The following MOV10 variants were observed in gnomAD, a reference collection of about 807,000 sequenced individuals.
MOV10 encodes the protein RNA helicase MOV-10.
MOV10 carries 39 observed loss-of-function variants against 108.4 expected under a neutral mutation model. That is an observed-to-expected ratio of 0.36 (90% CI 0.28 to 0.47). The LOEUF is 0.47. MOV10 is among the 20% of genes least tolerant of loss of function. The pLI is 1.00. For synonymous variants in MOV10, 490 were observed against 523.1 expected, an observed-to-expected ratio of 0.94 and a Z score of 0.86; for missense variants, 952 against 1,297.6, an observed-to-expected ratio of 0.73 and a Z score of 4.09.
At chr1:112,693,659 C>G (rs1243289317) in intron 7 of MOV10, 2 of 158,702 alleles carry the variant, frequency 1.3e-5, no homozygotes, top group Non-Finnish European at 1.4e-5. Context: ...GCCACCATGC[C>G]TGGTCCGTTT....
chr1:112,679,901 G>A (rs2101258834), intron 2 of MOV10, among the ~76,000 whole-genome samples: 1 of 152,220 alleles, frequency 6.6e-6, no homozygotes, highest in African/African-American at 2.4e-5. Flanking sequence ...CAATTTGGCA[G>A]AACTTATCAA....
At chr1:112,674,773 G>C in intron 1 of MOV10, 44 bp downstream of exon 1, 1 of 781,454 alleles carries the variant, frequency 1.3e-6, no homozygotes. Context: ...GGAGAAGGGA[G>C]CCCGCAGGAT....
intron 6 of MOV10, among the ~76,000 whole-genome samples, chr1:112,692,455 G>A (rs1032448069): frequency 1.3e-5 from 2 of 152,200 alleles, no homozygotes; most frequent in African/African-American, 4.8e-5. Flanking sequence ...GAACAGAGAA[G>A]GACATTTGAA....
intron 2 of MOV10, among the ~76,000 whole-genome samples, chr1:112,680,668 A>AG (rs1351699730): frequency 6.7e-6 from 1 of 149,830 alleles, no homozygotes; most frequent in East Asian, 2.0e-4. Flanking sequence ...AAAAAAAAAA[A>AG]AAAAAAAAAA....
intron 3 of MOV10, 126 bp downstream of exon 3, chr1:112,689,264 G>T (rs1268806977): frequency 3.2e-6 from 4 of 1,233,540 alleles, no homozygotes; most frequent in Non-Finnish European, 3.5e-6. Context: ...GGGAATGGGG[G>T]AAGGGCAGGG....
At position 112,700,532 on chromosome 1, in the gene MOV10, A is replaced by G; in HGVS notation, c.*25A>G. The stretch of plus-strand genomic sequence containing the variant: ...AAGACACAGCACCCAGCCTTCTCGC[A>G]CCAGCCAAGCCTTAACTGCCTGCCT... On this transcript the variant is annotated 3_prime_UTR_variant, in exon 21 of 21. Transcript: ENST00000369645. The G allele has an allele frequency of 3.1e-6, 5 of 1,603,880 alleles. No homozygotes were observed. The highest frequency in any genetic ancestry group is 4.3e-6 in the Non-Finnish European group (5 of 1,175,820).
chr1:112,694,940 C>T lies in MOV10; in HGVS notation c.1620+44C>T. On this transcript the variant is annotated intron_variant, in intron 10 of 20. Transcript: ENST00000369645. The surrounding 1 kb of genome is among the most constrained non-coding windows in gnomAD (Gnocchi z 4.1). ...CCTGGGGCCTGCACTCTGATTCCCC[C>T]AGCACCAAGCAGTTGTCCCCAGATT... 6.4e-7 allele frequency: 1 copy of T among 1,570,492 alleles called. No homozygotes were observed. Among genetic ancestry groups the T allele is most frequent in the Non-Finnish European group, 8.7e-7 (1 of 1,153,974 alleles).
At chr1:112,699,663 GC>G in intron 17 of MOV10, 21 bp from the exon 18 acceptor site, 1 of 1,614,090 alleles carries the variant, frequency 6.2e-7, no homozygotes, top group Non-Finnish European at 8.5e-7. Flanking sequence ...CTGGTCTCAG[GC>G]CCTGCCTCTT....
At chr1:112,687,623 C>T (rs1673179667) in intron 2 of MOV10, among the ~76,000 whole-genome samples, 2 of 152,104 alleles carry the variant, frequency 1.3e-5, no homozygotes, top group Non-Finnish European at 2.9e-5. Context: ...TGGTCCCTGC[C>T]CACCTCTGCT....
Position 112,697,982 on chromosome 1 carries a change from C to T in MOV10, c.2199-12C>T. The stretch of plus-strand genomic sequence containing the variant: ...GACCCTTGGTCTTGCTTTTCCTCCT[C>T]CGGCCTCCCAGGTCTCATCCCACCA... On this transcript the variant is annotated splice_polypyrimidine_tract_variant and intron_variant, in intron 14 of 20. Coordinates refer to ENST00000369645, the MANE Select transcript of MOV10 (RefSeq NM_001321324.2). 1 of 1,610,634 alleles carries T rather than the reference C, an allele frequency of 6.2e-7. No individual in the cohort carries two copies. Among genetic ancestry groups the T allele is most frequent in the Non-Finnish European group, 8.5e-7 (1 of 1,176,852 alleles).
intron 11 of MOV10, among the ~76,000 whole-genome samples, chr1:112,695,883 T>C (rs1270413671): frequency 6.6e-6 from 1 of 151,846 alleles, no homozygotes; most frequent in African/African-American, 2.4e-5. Flanking sequence ...CTACTAAAAA[T>C]ACAAAAAAAT....
Position 112,695,577 on chromosome 1 carries a change from A to G in MOV10, c.1779+3A>G. On this transcript the variant is annotated splice_donor_region_variant and intron_variant, in intron 11 of 20. Coordinates refer to ENST00000369645, the MANE Select transcript of MOV10 (RefSeq NM_001321324.2). The stretch of plus-strand genomic sequence containing the variant: ...GCATGGTACCTGAGGACATCAAGGT[A>G]CTAGGGAAGTGCAGAGGGCCAAAGA... 6.2e-7 allele frequency: 1 copy of G among 1,613,350 alleles called. No individual in the cohort carries two copies. The highest frequency in any genetic ancestry group is 8.5e-7 in the Non-Finnish European group (1 of 1,179,730).
At chr1:112,679,034 C>T (rs1205615884) in intron 2 of MOV10, among the ~76,000 whole-genome samples, 1 of 151,954 alleles carries the variant, frequency 6.6e-6, no homozygotes, top group Non-Finnish European at 1.5e-5. Context: ...TGGCTTTGAC[C>T]CGCTAATGGG....
Position 112,691,776 on chromosome 1 carries a change from C to G in MOV10, c.948C>G (p.Ala316=), listed in dbSNP as rs749578239. The G allele has an allele frequency of 1.2e-6, 2 of 1,613,978 alleles. No individual in the cohort carries two copies. The highest frequency in any genetic ancestry group is 2.7e-5 in the African/African-American group (2 of 74,904). Reference sequence around the variant, plus strand: ...TTCAGGGAACAAGTATCTTCACTGCCCCTAAGGAGATCGCAGAGATCAAGT... The same window carrying G: ...TTCAGGGAACAAGTATCTTCACTGCGCCTAAGGAGATCGCAGAGATCAAGT... ...MLLQGTSIFT[A]PKEIAEIKAQ... The change falls in exon 6 of 21, where the codon GCC becomes GCG. Residue 316 remains alanine (A), a synonymous_variant. Coordinates refer to ENST00000369645, the MANE Select transcript of MOV10 (RefSeq NM_001321324.2).
chr1:112,680,966 T>C (rs1672603031), intron 2 of MOV10, among the ~76,000 whole-genome samples: 1 of 151,714 alleles, frequency 6.6e-6, no homozygotes. Flanking sequence ...CCTCCCAAAG[T>C]GCTGGGATTA....
intron 2 of MOV10, chr1:112,686,941 T>C (rs750635360): frequency 4.4e-6 from 2 of 456,508 alleles, no homozygotes; most frequent in South Asian, 1.5e-5. Context: ...AAGGGCCTTC[T>C]TCTAACTGGT....
At chr1:112,690,906 A>G (rs1673520269) in intron 5 of MOV10, among the ~76,000 whole-genome samples, 1 of 152,166 alleles carries the variant, frequency 6.6e-6, no homozygotes, top group Non-Finnish European at 1.5e-5. Flanking sequence ...TGTGCTGGAT[A>G]CTTCATATGG....
chr1:112,691,740 C>G lies in MOV10; in HGVS notation c.912C>G (p.Leu304=). ...CACCTCCCCGCCTCAGGCAGCTGCT[C>G]CCCATGCTTCTTCAGGGAACAAGTA... is the stretch of plus-strand genomic sequence containing the variant. ...YYPPPRLRQL[L]PMLLQGTSIF... Residue 304 remains leucine, a synonymous_variant, in exon 6 of 21, where the codon CTC becomes CTG. Coordinates refer to ENST00000369645, the MANE Select transcript of MOV10 (RefSeq NM_001321324.2). 4 of 1,614,136 alleles carry G rather than the reference C, an allele frequency of 2.5e-6. No homozygotes were observed. The highest frequency in any genetic ancestry group is 3.4e-6 in the Non-Finnish European group (4 of 1,180,028).
chr1:112,692,162 C>G (rs975378084), intron 6 of MOV10, among the ~76,000 whole-genome samples: 1 of 151,946 alleles, frequency 6.6e-6, no homozygotes, highest in African/African-American at 2.4e-5. Flanking sequence ...GAGATTCTGT[C>G]TCTACAAAAA....
Sources: allele counts gnomAD v4.1 joint callset (sites outside exome capture counted in the v4.1 genomes callset), GRCh38; gene constraint gnomAD v4.1.1; non-coding constraint Gnocchi (gnomAD v3.1); transcripts MANE v1.5; gene names NCBI Gene and HGNC (gene_info 2026-07-23, HGNC 2026-07-21).